Variants in ELMO1 observed in about 807,000 individuals in gnomAD.
ELMO1 encodes the protein engulfment and cell motility 1, also known as engulfment and cell motility protein 1.
A neutral mutation model predicts 98.9 loss-of-function variants in ELMO1; 26 were observed. The observed-to-expected ratio is 0.26, with a 90% CI of 0.19 to 0.36. The LOEUF (loss-of-function observed/expected upper bound fraction) is 0.36, where lower values mean the gene tolerates loss of function less well. Ranked by LOEUF, ELMO1 falls within the 10% of genes least tolerant of loss-of-function variation. The pLI is 1.00. For synonymous variants in ELMO1, 346 were observed against 346.0 expected (o/e 1.00, Z 0.00); for missense variants, 627 against 935.2 (o/e 0.67, Z 4.30).
At chr7:37,308,056 T>G (rs558216640) in intron 4 of ELMO1, among the ~76,000 whole-genome samples, 6 of 152,268 alleles carry the variant, frequency 3.9e-5, no homozygotes, top group African/African-American at 1.4e-4. Context: ...GAGGTTGCAG[T>G]GAGCCAAGAT....
intron 13 of ELMO1, among the ~76,000 whole-genome samples, chr7:37,182,105 G>C (rs1172823977): frequency 6.6e-6 from 1 of 152,186 alleles, no homozygotes; most frequent in Non-Finnish European, 1.5e-5. Context: ...ACCAGCTAAG[G>C]CATGGGGTTT....
intron 12 of ELMO1, among the ~76,000 whole-genome samples, chr7:37,212,960 A>T (rs1563080684): frequency 6.6e-6 from 1 of 152,134 alleles, no homozygotes; most frequent in Non-Finnish European, 1.5e-5. Flanking sequence ...TTGCTAACTC[A>T]ACCCCACAGA....
intron 16 of ELMO1, among the ~76,000 whole-genome samples, chr7:36,964,133 T>C (rs532858805): frequency 2.0e-5 from 3 of 152,236 alleles, no homozygotes; most frequent in African/African-American, 7.2e-5. Context: ...TTTGTATATT[T>C]GGCATTTAAT....
intron 1 of ELMO1, among the ~76,000 whole-genome samples, chr7:37,365,214 G>A: frequency 6.6e-6 from 1 of 151,852 alleles, no homozygotes; most frequent in East Asian, 1.9e-4. Context: ...CAAAGGCTGT[G>A]AAACTTCACA....
intron 15 of ELMO1, among the ~76,000 whole-genome samples, chr7:37,025,372 G>A (rs1470383886): frequency 6.6e-6 from 1 of 152,180 alleles, no homozygotes; most frequent in East Asian, 1.9e-4. Flanking sequence ...ATAGGGAGAT[G>A]TAGCTAATTC....
chr7:36,985,014 G>C, intron 16 of ELMO1: 1 of 985,416 alleles, frequency 1.0e-6, no homozygotes, highest in Non-Finnish European at 1.2e-6. Context: ...GCAGCTAGAA[G>C]GGTCCCTACA....
intron 16 of ELMO1, among the ~76,000 whole-genome samples, chr7:36,912,508 T>G (rs1161622437): frequency 6.6e-6 from 1 of 152,166 alleles, no homozygotes; most frequent in Non-Finnish European, 1.5e-5. Context: ...CGGATTTATT[T>G]TTGAAATTAC....
At chr7:37,067,845 C>T (rs1797067553) in intron 15 of ELMO1, among the ~76,000 whole-genome samples, 1 of 151,994 alleles carries the variant, frequency 6.6e-6, no homozygotes, top group Admixed American at 6.6e-5. Flanking sequence ...CTTGAAGGCT[C>T]TTCTCGGACT....
chr7:37,388,183 G>A (rs1451737618), intron 1 of ELMO1, among the ~76,000 whole-genome samples: 1 of 152,164 alleles, frequency 6.6e-6, no homozygotes, highest in Non-Finnish European at 1.5e-5. Context: ...AAGTCAGAGT[G>A]TGAAATTAGC....
intron 13 of ELMO1, among the ~76,000 whole-genome samples, chr7:37,190,994 C>G (rs1439839006): frequency 6.6e-6 from 1 of 151,364 alleles, no homozygotes; most frequent in Non-Finnish European, 1.5e-5. Flanking sequence ...TAGAGACCAT[C>G]CCGGCTAACA....
intron 13 of ELMO1, among the ~76,000 whole-genome samples, chr7:37,161,405 A>G (rs777639025): frequency 6.6e-6 from 1 of 152,116 alleles, no homozygotes; most frequent in African/African-American, 2.4e-5. Flanking sequence ...TGAACTGTAC[A>G]TATCTCCATC....
At chr7:36,916,463 T>A (rs1177369655) in intron 16 of ELMO1, among the ~76,000 whole-genome samples, 1 of 152,238 alleles carries the variant, frequency 6.6e-6, no homozygotes, top group Non-Finnish European at 1.5e-5. Flanking sequence ...AATGTAACAG[T>A]GTTTTCCAAA....
chr7:36,925,425 C>T (rs1443686811), intron 16 of ELMO1, among the ~76,000 whole-genome samples: 1 of 152,148 alleles, frequency 6.6e-6, no homozygotes, highest in East Asian at 1.9e-4. Context: ...GGGCTGGCTG[C>T]TGCACAGAAG....
chr7:37,382,903 T>G (rs1802637657), intron 1 of ELMO1, among the ~76,000 whole-genome samples: 1 of 152,216 alleles, frequency 6.6e-6, no homozygotes. Context: ...CAATCTAATT[T>G]GCAGGGCCCC....
At chr7:37,362,639 A>G (rs1801741336) in intron 1 of ELMO1, among the ~76,000 whole-genome samples, 2 of 151,998 alleles carry the variant, frequency 1.3e-5, no homozygotes, top group Admixed American at 1.3e-4. Context: ...CAAATAGCCA[A>G]CTGCCTACTT....
chr7:37,407,113 C>A (rs1803802511), intron 1 of ELMO1, among the ~76,000 whole-genome samples: 1 of 152,178 alleles, frequency 6.6e-6, no homozygotes, highest in Non-Finnish European at 1.5e-5. Flanking sequence ...AACTCAGAAG[C>A]AACTAAGATG....
intron 13 of ELMO1, among the ~76,000 whole-genome samples, chr7:37,185,936 G>A (rs148971019): frequency 4.5e-4 from 68 of 152,206 alleles, no homozygotes; most frequent in African/African-American, 1.6e-3. Context: ...CAGTAACTCC[G>A]CTGACTTCTG....
At chr7:37,442,036 T>G (rs1161833114) in intron 1 of ELMO1, among the ~76,000 whole-genome samples, 1 of 152,108 alleles carries the variant, frequency 6.6e-6, no homozygotes, top group Admixed American at 6.6e-5. Flanking sequence ...AAAGCAGCAG[T>G]TCTCAGCTTG....
At chr7:37,204,192 G>A (rs777535853) in intron 13 of ELMO1, 10 of 456,300 alleles carry the variant, frequency 2.2e-5, no homozygotes, top group South Asian at 1.5e-4. Flanking sequence ...GGAATTGGTG[G>A]GTTCTTGGTC....
Sources: allele counts gnomAD v4.1 joint callset (sites outside exome capture counted in the v4.1 genomes callset), GRCh38; gene constraint gnomAD v4.1.1; transcripts MANE v1.5; gene names NCBI Gene and HGNC (gene_info 2026-07-23, HGNC 2026-07-21).